The following C12orf42 variants were observed in gnomAD, a reference collection of about 807,000 sequenced individuals.
The protein encoded by C12orf42 is uncharacterized protein C12orf42.
Under a neutral mutation model 21.6 loss-of-function variants are expected in C12orf42, and 25 were observed. That is an observed-to-expected ratio of 1.16 (90% CI 0.84 to 1.62). The LOEUF (loss-of-function observed/expected upper bound fraction) is 1.62. C12orf42 is among the 40% of genes most tolerant of loss of function. C12orf42 has a pLI of 0.00. For synonymous variants in C12orf42, 174 were observed against 175.0 expected (o/e 0.99, Z 0.05); for missense variants, 483 against 459.3 (o/e 1.05, Z -0.47).
intron 4 of C12orf42, among the ~76,000 whole-genome samples, chr12:103,294,557 G>C (rs557576950): frequency 1.1e-5 from 1 of 93,938 alleles, no homozygotes; most frequent in Admixed American, 1.3e-4. Flanking sequence ...AAGAAAGAAA[G>C]AAAGAAAAAG....
the C12orf42 span, among the ~76,000 whole-genome samples, chr12:103,179,627 A>T: frequency 1.3e-5 from 2 of 152,204 alleles, no homozygotes; most frequent in Non-Finnish European, 2.9e-5. Flanking sequence ...AAGCATCTGT[A>T]CTTTGTCTCA....
intron 1 of C12orf42, among the ~76,000 whole-genome samples, chr12:103,491,129 C>T (rs536033015): frequency 5.3e-5 from 8 of 152,232 alleles, no homozygotes; most frequent in African/African-American, 1.9e-4. Flanking sequence ...AGAACTGACT[C>T]GTAAAACTAT....
At chr12:103,509,225 G>A in the C12orf42 span, among the ~76,000 whole-genome samples, 3 of 152,124 alleles carry the variant, frequency 2.0e-5, no homozygotes, top group African/African-American at 7.2e-5. Context: ...AGCAGGTATT[G>A]AACCTAACCT....
intron 4 of C12orf42, among the ~76,000 whole-genome samples, chr12:103,310,449 G>A (rs957207176): frequency 1.3e-5 from 2 of 152,138 alleles, no homozygotes; most frequent in Non-Finnish European, 2.9e-5. Flanking sequence ...GTATTTTTAT[G>A]CATGTGAAAA....
At chr12:103,114,838 T>C in the C12orf42 span, among the ~76,000 whole-genome samples, 1 of 152,202 alleles carries the variant, frequency 6.6e-6, no homozygotes, top group African/African-American at 2.4e-5. Flanking sequence ...CCAGGGACAG[T>C]GGCTCAGGCC....
chr12:103,497,213 T>A (rs1371067742), upstream of C12orf42, among the ~76,000 whole-genome samples: 1 of 152,246 alleles, frequency 6.6e-6, no homozygotes, highest in Non-Finnish European at 1.5e-5. Context: ...TCCATGGCTT[T>A]GACATAATAG....
downstream of C12orf42, among the ~76,000 whole-genome samples, chr12:103,298,143 T>C (rs1269689428): frequency 6.6e-6 from 1 of 151,638 alleles, no homozygotes; most frequent in African/African-American, 2.4e-5. Context: ...GGTATTCAAT[T>C]AGGAAAAGAG....
At chr12:103,445,506 T>A (rs1951523555) in intron 2 of C12orf42, among the ~76,000 whole-genome samples, 1 of 151,988 alleles carries the variant, frequency 6.6e-6, no homozygotes, top group African/African-American at 2.4e-5. Context: ...TTGCATTTCC[T>A]TGATTTACTA....
the C12orf42 span, among the ~76,000 whole-genome samples, chr12:103,088,906 A>G: frequency 6.6e-6 from 1 of 152,072 alleles, no homozygotes; most frequent in South Asian, 2.1e-4. Flanking sequence ...GATCGAGACC[A>G]TCCTGGCTAA....
intron 6 of C12orf42, among the ~76,000 whole-genome samples, chr12:103,269,340 G>C (rs2035326787): frequency 6.6e-6 from 1 of 152,088 alleles, no homozygotes; most frequent in South Asian, 2.1e-4. Flanking sequence ...ATTTGAGGGA[G>C]CACCTGGGCT....
chr12:103,163,827 G>A, the C12orf42 span, among the ~76,000 whole-genome samples: 1 of 152,176 alleles, frequency 6.6e-6, no homozygotes, highest in Non-Finnish European at 1.5e-5. Context: ...GATAGTTAAA[G>A]TGCCTACTTC....
the C12orf42 span, among the ~76,000 whole-genome samples, chr12:103,102,167 G>T: frequency 6.6e-6 from 1 of 152,190 alleles, no homozygotes; most frequent in South Asian, 2.1e-4. Flanking sequence ...TTCACATGGA[G>T]AGAAATAATT....
chr12:103,441,453 C>G (rs552273645), intron 2 of C12orf42: 1 of 152,236 alleles, frequency 6.6e-6, no homozygotes, highest in South Asian at 2.1e-4. Flanking sequence ...CCTCACATAA[C>G]CAAAAATTTC....
the C12orf42 span, among the ~76,000 whole-genome samples, chr12:103,533,111 A>G: frequency 3.3e-5 from 5 of 152,352 alleles, no homozygotes; most frequent in East Asian, 9.6e-4. Context: ...CTAACGATAT[A>G]AATGAATATT....
intron 4 of C12orf42, among the ~76,000 whole-genome samples, chr12:103,360,466 C>A (rs574827434): frequency 1.3e-4 from 20 of 151,874 alleles, no homozygotes; most frequent in Non-Finnish European, 8.8e-5. Context: ...TTCATGTCTC[C>A]AAATCTAAGT....
intron 2 of C12orf42, among the ~76,000 whole-genome samples, chr12:103,434,672 C>A (rs1055077919): frequency 4.6e-5 from 7 of 152,148 alleles, no homozygotes; most frequent in Non-Finnish European, 1.0e-4. Flanking sequence ...CACTCCCACC[C>A]GAATATTGCG....
the C12orf42 span, among the ~76,000 whole-genome samples, chr12:103,508,149 AT>A: frequency 6.6e-6 from 1 of 152,184 alleles, no homozygotes; most frequent in Admixed American, 6.5e-5. Flanking sequence ...TTGATGTATA[AT>A]TTTTCAACTT....
intron 2 of C12orf42, among the ~76,000 whole-genome samples, chr12:103,452,436 A>G (rs1952009523): frequency 6.6e-6 from 1 of 152,168 alleles, no homozygotes; most frequent in Admixed American, 6.5e-5. Flanking sequence ...ACCTCTCGAT[A>G]GGAGAAGCTA....
At chr12:103,113,610 A>G in the C12orf42 span, among the ~76,000 whole-genome samples, 1 of 151,596 alleles carries the variant, frequency 6.6e-6, no homozygotes, top group Non-Finnish European at 1.5e-5. Flanking sequence ...GAGGACCTTG[A>G]TGTTGCTTAC....
Sources: gnomAD v4.1 joint callset for allele counts (sites outside exome capture counted in the v4.1 genomes callset) on GRCh38, gnomAD v4.1.1 for gene constraint, MANE v1.5 for transcripts, NCBI Gene and HGNC (gene_info 2026-07-23, HGNC 2026-07-21) for gene names.